Variants in RFX3 observed in about 807,000 individuals in gnomAD.
RFX3 encodes the protein regulatory factor X3.
In RFX3, 14 loss-of-function variants were observed where a neutral mutation model predicts 98.6. The ratio of observed to expected loss-of-function variants is 0.14; its 90% CI spans 0.09 to 0.22. The LOEUF (loss-of-function observed/expected upper bound fraction) is 0.22, where lower values mean the gene tolerates loss of function less well. Ranked by LOEUF, RFX3 falls within the 10% of genes least tolerant of loss-of-function variation. The pLI is 1.00. For missense variants in RFX3, 639 were observed against 926.9 expected, an observed-to-expected ratio of 0.69 and a Z score of 4.03; for synonymous variants, 383 against 328.4, an observed-to-expected ratio of 1.17 and a Z score of -1.80.
chr9:3,495,225 A>T lies in RFX3; in HGVS notation c.-9+30522T>A, dbSNP rs1227551046. On this transcript the variant is annotated intron_variant, in intron 1 of 16. Transcript: ENST00000617270. ...AACTTCTCCATTTTTAGGAAAAAAA[A>T]ATTCTATGTAGCAAGAAAATTTATG... Among the ~76,000 whole-genome samples, 4 of 151,990 alleles carry T rather than the reference A, an allele frequency of 2.6e-5. No homozygotes were observed. The South Asian group carries it at 6.2e-4, about 24-fold the overall frequency.
At position 3,248,043 on chromosome 9, in the gene RFX3, C is replaced by T; in HGVS notation, c.1957G>A (p.Val653Ile). The T allele has an allele frequency of 6.2e-7, 1 of 1,614,058 alleles. No homozygotes were observed. Among genetic ancestry groups the T allele is most frequent in the Non-Finnish European group, 8.5e-7 (1 of 1,179,930 alleles). The change falls in exon 15 of 17, where the codon GTC becomes ATC. Residue 653 changes from valine to isoleucine, a missense_variant. By Grantham distance (29) the Val-to-Ile change is conservative. Transcript: ENST00000617270. ...AQATGETPIA[V>I]MGEFGDLNAV... The stretch of plus-strand genomic sequence containing the variant: ...TCAGCCTCTCTTACCTCGCCCATGA[C>T]TGCTATAGGAGTCTCTCCTGTTGCC...
chr9:3,414,895 T>C (rs1473379827), intron 1 of RFX3, among the ~76,000 whole-genome samples: 1 of 137,950 alleles, frequency 7.2e-6, no homozygotes, highest in African/African-American at 2.6e-5. Flanking sequence ...TAAGTATATA[T>C]ATGAGTATAT....
At chr9:3,263,164 T>G in intron 12 of RFX3, 80 bp from the exon 13 acceptor site, 1 of 1,472,662 alleles carries the variant, frequency 6.8e-7, no homozygotes, top group Non-Finnish European at 9.3e-7. Context: ...CTTCTTTCCC[T>G]TCACAAATTT....
intron 4 of RFX3, among the ~76,000 whole-genome samples, chr9:3,325,782 G>T (rs2130813500): frequency 6.6e-6 from 1 of 152,150 alleles, no homozygotes; most frequent in East Asian, 1.9e-4. Flanking sequence ...ATCTTCAAGT[G>T]AAAAGTATGT....
chr9:3,372,416 G>T (rs1185083232), intron 2 of RFX3, among the ~76,000 whole-genome samples: 2 of 152,000 alleles, frequency 1.3e-5, no homozygotes, highest in African/African-American at 4.8e-5. Flanking sequence ...TATTTCCAGG[G>T]ATCACCTCCC....
At chr9:3,310,570 T>C (rs1040471658) in intron 4 of RFX3, among the ~76,000 whole-genome samples, 4 of 152,182 alleles carry the variant, frequency 2.6e-5, no homozygotes, top group Non-Finnish European at 5.9e-5. Context: ...AATGGAATAG[T>C]ACAATGCTTT....
At chr9:3,337,895 T>TG (rs2131001342) in intron 3 of RFX3, among the ~76,000 whole-genome samples, 2 of 152,312 alleles carry the variant, frequency 1.3e-5, no homozygotes, top group South Asian at 4.1e-4. Flanking sequence ...ACCAATACCC[T>TG]GCAAAGAAGT....
intron 2 of RFX3, among the ~76,000 whole-genome samples, chr9:3,356,960 C>T (rs538242565): frequency 1.4e-5 from 2 of 139,492 alleles, no homozygotes; most frequent in African/African-American, 6.5e-5. Context: ...CACATACACA[C>T]ATGCACACAC....
chr9:3,379,071 A>G (rs1838890253), intron 2 of RFX3, among the ~76,000 whole-genome samples: 2 of 152,240 alleles, frequency 1.3e-5, no homozygotes, highest in Admixed American at 1.3e-4. Context: ...TATTTCAACA[A>G]ACATTTACTG....
intron 3 of RFX3, among the ~76,000 whole-genome samples, chr9:3,333,541 T>C (rs1832834654): frequency 6.6e-6 from 1 of 152,044 alleles, no homozygotes; most frequent in Admixed American, 6.6e-5. Flanking sequence ...TGTTTCTTTA[T>C]TTATATGTTT....
chr9:3,275,458 C>A, intron 9 of RFX3, 42 bp downstream of exon 9: 1 of 1,153,604 alleles, frequency 8.7e-7, no homozygotes, highest in Non-Finnish European at 1.3e-6. Flanking sequence ...AGTTATCTGG[C>A]AAAACCTAGC....
At position 3,379,563 on chromosome 9, in the gene RFX3, T is replaced by A. The variant is rs148348503; in HGVS notation, c.117+15909A>T. On this transcript the variant is annotated intron_variant, in intron 2 of 16. Transcript: ENST00000617270. Reference sequence around the variant, plus strand: ...GATCATAGGCAAATATGAAACACACTGAAATTGAGTGGAAATCTCAGTTAT... The same window carrying A: ...GATCATAGGCAAATATGAAACACACAGAAATTGAGTGGAAATCTCAGTTAT... Among the ~76,000 whole-genome samples, 244 of 152,322 alleles carry A rather than the reference T, an allele frequency of 1.6e-3. 1 individual carries two copies. The highest frequency in any genetic ancestry group is 5.6e-3 in the African/African-American group (232 of 41,586).
At chr9:3,264,034 A>G (rs1823281367) in intron 12 of RFX3, among the ~76,000 whole-genome samples, 1 of 151,634 alleles carries the variant, frequency 6.6e-6, no homozygotes, top group African/African-American at 2.4e-5. Context: ...AATTCCCACT[A>G]TTGCTAGCCC....
intron 13 of RFX3, among the ~76,000 whole-genome samples, chr9:3,261,693 T>A (rs929458100): frequency 6.6e-6 from 1 of 152,170 alleles, no homozygotes; most frequent in African/African-American, 2.4e-5. Context: ...ATACGGTAAC[T>A]ATATGTTTAT....
intron 1 of RFX3, among the ~76,000 whole-genome samples, chr9:3,449,591 G>T (rs1226015926): frequency 6.6e-6 from 1 of 152,174 alleles, no homozygotes; most frequent in Non-Finnish European, 1.5e-5. Flanking sequence ...CAGGCACAGT[G>T]CCCCATGCCT....
chr9:3,463,030 C>G (rs901617113), intron 1 of RFX3, among the ~76,000 whole-genome samples: 1 of 151,996 alleles, frequency 6.6e-6, no homozygotes, highest in Non-Finnish European at 1.5e-5. Context: ...CAATCAAAAT[C>G]CCAGTAGGCT....
chr9:3,451,285 C>T (rs1237551408), intron 1 of RFX3, among the ~76,000 whole-genome samples: 1 of 152,178 alleles, frequency 6.6e-6, no homozygotes, highest in Non-Finnish European at 1.5e-5. Flanking sequence ...GGGACTCACA[C>T]CTGCAATCTC....
intron 1 of RFX3, among the ~76,000 whole-genome samples, chr9:3,505,790 C>G (rs1159119115): frequency 6.6e-6 from 1 of 150,510 alleles, no homozygotes; most frequent in Admixed American, 6.7e-5. Context: ...CTCTACCCCC[C>G]TGCTTCTCAC....
At chr9:3,440,948 A>G (rs543724160) in intron 1 of RFX3, among the ~76,000 whole-genome samples, 2 of 152,338 alleles carry the variant, frequency 1.3e-5, no homozygotes, top group South Asian at 4.1e-4. Flanking sequence ...ATGATAACCA[A>G]TTGTCAAGAA....
Sources: allele counts gnomAD v4.1 joint callset (sites outside exome capture counted in the v4.1 genomes callset), GRCh38; gene constraint gnomAD v4.1.1; transcripts MANE v1.5; gene names NCBI Gene and HGNC (gene_info 2026-07-23, HGNC 2026-07-21).